Variants in DNAH9 observed in about 807,000 individuals in gnomAD.
DNAH9 encodes DNAH9 variant protein.
DNAH9 carries 345 observed loss-of-function variants against 471.6 expected under a neutral mutation model. That is an observed-to-expected ratio of 0.73 (90% confidence interval 0.67 to 0.80). The LOEUF (loss-of-function observed/expected upper bound fraction) is 0.80, where lower values mean the gene tolerates loss of function less well. DNAH9 is among the 30% of genes least tolerant of loss of function. The pLI, the probability that DNAH9 is intolerant of heterozygous loss-of-function variation, is 0.00. For synonymous variants in DNAH9, 2,093 were observed against 2,123.6 expected (o/e 0.99, Z 0.40); for missense variants, 5,407 against 5,609.2 (o/e 0.96, Z 1.15).
intron 45 of DNAH9, among the ~76,000 whole-genome samples, chr17:11,820,934 T>G (rs1258066916): frequency 6.8e-6 from 1 of 146,880 alleles, no homozygotes; most frequent in Non-Finnish European, 1.5e-5. Context: ...TTTCCCTGCA[T>G]TTTTTATAGT....
At chr17:11,720,946 C>A (rs1346107639) in intron 27 of DNAH9, among the ~76,000 whole-genome samples, 1 of 152,254 alleles carries the variant, frequency 6.6e-6, no homozygotes, top group East Asian at 1.9e-4. Flanking sequence ...ATGACCTCAG[C>A]CTTAGGGATA....
At chr17:11,781,233 A>G (rs1845662121) in intron 39 of DNAH9, 59 bp downstream of exon 39, 6 of 1,547,792 alleles carry the variant, frequency 3.9e-6, no homozygotes, top group Non-Finnish European at 5.2e-6. Context: ...GCAGGGCTGA[A>G]GGCCAGTCTC....
At chr17:11,708,278 A>G (rs568795277) in intron 26 of DNAH9, among the ~76,000 whole-genome samples, 2 of 152,198 alleles carry the variant, frequency 1.3e-5, no homozygotes, top group African/African-American at 4.8e-5. Flanking sequence ...GACCCAGATC[A>G]TAAGATTAGA....
Position 11,652,846 on chromosome 17 carries a change from G to T in DNAH9, c.2439G>T (p.Glu813Asp). 1 of 1,613,946 alleles carries T rather than the reference G, an allele frequency of 6.2e-7. No individual in the cohort carries two copies. Among genetic ancestry groups the T allele is most frequent in the African/African-American group, 1.3e-5 (1 of 75,014 alleles). ...AGAAAACTAAAGACAATGTGGAAGA[G>T]ATCCAAAACATCATGAAAACATGGG... The part of the protein sequence containing the change: ...RIQKTKDNVE[E>D]IQNIMKTWVT... Residue 813 changes from glutamate (E) to aspartate (D), a missense_variant, in exon 14 of 69, where the codon GAG becomes GAT. Around this residue, in one of 3 missense-constraint regions of DNAH9, gnomAD observed 4,636 missense variants for 4,900.3 expected, o/e 0.95. Transcript: ENST00000262442.
At chr17:11,704,476 G>T in intron 25 of DNAH9, 34 bp downstream of exon 25, 1 of 1,604,768 alleles carries the variant, frequency 6.2e-7, no homozygotes, top group Admixed American at 1.7e-5. Context: ...GCCCACTTTT[G>T]TGTACAGCTA....
At chr17:11,756,007 C>T (rs762459506) in intron 33 of DNAH9, among the ~76,000 whole-genome samples, 6 of 152,072 alleles carry the variant, frequency 3.9e-5, no homozygotes, top group Admixed American at 6.5e-5. Flanking sequence ...ATCGACCTGG[C>T]GTGGTGGTTC....
intron 38 of DNAH9, among the ~76,000 whole-genome samples, chr17:11,771,257 T>A (rs1968194014): frequency 1.3e-5 from 2 of 152,134 alleles, no homozygotes; most frequent in Non-Finnish European, 2.9e-5. Context: ...GCCTCCCAAG[T>A]AGCTGGGATT....
At chr17:11,644,551 T>C (rs2073342677) in intron 10 of DNAH9, 80 bp from the exon 11 acceptor site, 1 of 1,035,448 alleles carries the variant, frequency 9.7e-7, no homozygotes, top group South Asian at 1.4e-5. Context: ...CGCTCTTCTT[T>C]GGAGACTGCA....
At chr17:11,887,736 T>TCACACACA (rs35670481) in intron 57 of DNAH9, among the ~76,000 whole-genome samples, 130 of 147,502 alleles carry the variant, frequency 8.8e-4, no homozygotes, top group African/African-American at 3.0e-3. Context: ...ATACACACAG[T>TCACACACA]CACACACACA....
At chr17:11,768,707 G>C in intron 37 of DNAH9, 81 bp downstream of exon 37, 1 of 1,507,322 alleles carries the variant, frequency 6.6e-7, no homozygotes, top group South Asian at 1.2e-5. Context: ...GCCCCGCATG[G>C]CTATCTGAGC....
chr17:11,930,475 C>G (rs942112800), intron 63 of DNAH9, among the ~76,000 whole-genome samples: 1 of 152,096 alleles, frequency 6.6e-6, no homozygotes, highest in Non-Finnish European at 1.5e-5. Flanking sequence ...GATGATATCA[C>G]TTGACGTCTA....
At chr17:11,685,520 C>T (rs2150747293) in intron 19 of DNAH9, among the ~76,000 whole-genome samples, 1 of 152,234 alleles carries the variant, frequency 6.6e-6, no homozygotes. Context: ...AAACCAGGTG[C>T]TCAATGGGAG....
chr17:11,747,868 G>C, intron 32 of DNAH9, 102 bp downstream of exon 32: 1 of 1,097,426 alleles, frequency 9.1e-7, no homozygotes, highest in Admixed American at 1.9e-5. Flanking sequence ...ACATTGGACT[G>C]ATCTGTTTGG....
chr17:11,669,418 A>C lies in DNAH9; in HGVS notation c.2977A>C (p.Met993Leu). 1 of 1,614,052 alleles carries C rather than the reference A, an allele frequency of 6.2e-7. No homozygotes were observed. The highest frequency in any genetic ancestry group is 8.5e-7 in the Non-Finnish European group (1 of 1,180,000). Residue 993 changes from methionine to leucine, a missense_variant, in exon 17 of 69, where the codon ATG (methionine) becomes CTG (leucine). Physicochemically the swap from Met to Leu is conservative, Grantham distance 15. Around this residue, in one of 3 missense-constraint regions of DNAH9, gnomAD observed 4,636 missense variants for 4,900.3 expected, o/e 0.95. Transcript: ENST00000262442. ...TTTGGCAAACATGCGGCGCACACTCATGGAGAGAGTCCAGAGAATGATGGG... is the reference window on the plus strand; with the variant it reads ...TTTGGCAAACATGCGGCGCACACTCCTGGAGAGAGTCCAGAGAATGATGGG... ...PDLANMRRTL[M>L]ERVQRMMGLC...
At chr17:11,874,237 T>A (rs537991735) in intron 52 of DNAH9, among the ~76,000 whole-genome samples, 132 of 98,956 alleles carry the variant, frequency 1.3e-3, no homozygotes, top group African/African-American at 5.2e-3. Flanking sequence ...AGAGCAAGAT[T>A]CCATCTCAAA....
chr17:11,821,286 CAAAAAAAA>C (rs58010981), intron 45 of DNAH9, among the ~76,000 whole-genome samples: 1 of 123,896 alleles, frequency 8.1e-6, no homozygotes, highest in Non-Finnish European at 1.7e-5. Flanking sequence ...AACTCTATCT[CAAAAAAAA>C]AAAAAAAAAA....
At chr17:11,627,904 C>A (rs373731801) in intron 6 of DNAH9, among the ~76,000 whole-genome samples, 1 of 152,142 alleles carries the variant, frequency 6.6e-6, no homozygotes, top group East Asian at 1.9e-4. Flanking sequence ...GTTGGTGTGT[C>A]CCAGCAGGAA....
chr17:11,796,852 T>A (rs935488620), intron 42 of DNAH9, among the ~76,000 whole-genome samples: 2 of 152,194 alleles, frequency 1.3e-5, no homozygotes, highest in African/African-American at 4.8e-5. Flanking sequence ...AAATTGGTCT[T>A]CTCTTCAGTA....
In DNAH9 at chr17:11,654,154, G is replaced by A. The variant is rs1359754477; in HGVS notation, c.2595+1152G>A. 4.2e-5 allele frequency among the ~76,000 whole-genome samples: 5 copies of A among 119,796 alleles called. 2 individuals carry two copies. Among genetic ancestry groups the A allele is most frequent in the African/African-American group, 1.5e-4 (5 of 33,056 alleles). The allele number at this position is 119,796 out of a possible 152,430, so 78.6% of individuals were successfully genotyped here. A position where few individuals can be genotyped will look rare whatever the true frequency, so the allele number is the denominator to read the frequency against. On this transcript the variant is annotated intron_variant, in intron 14 of 68. Coordinates refer to ENST00000262442, the MANE Select transcript of DNAH9 (RefSeq NM_001372.4). ...GCGGATCACGAGGTCAGGAGATCGA[G>A]ACCATCCTGGCTAACACGGTGAAAC...
Sources: gnomAD v4.1 joint callset for allele counts (sites outside exome capture counted in the v4.1 genomes callset) on GRCh38, gnomAD v4.1.1 for gene constraint, gnomAD v4.1.1 regional missense constraint, MANE v1.5 for transcripts, NCBI Gene and HGNC (gene_info 2026-07-23, HGNC 2026-07-21) for gene names.